Variants in SDK1 observed in about 807,000 individuals in gnomAD.
SDK1 encodes protein sidekick-1.
In SDK1, 157 loss-of-function variants were observed where a neutral mutation model predicts 245.5. The observed-to-expected ratio is 0.64, with a 90% CI of 0.56 to 0.73. SDK1 has a LOEUF of 0.73. Ranked by LOEUF, SDK1 falls within the 30% of genes least tolerant of loss-of-function variation. The pLI, the probability that SDK1 is intolerant of heterozygous loss-of-function variation, is 0.00. For missense variants in SDK1, 3,583 were observed against 3,002.3 expected, an observed-to-expected ratio of 1.19 and a Z score of -4.52; for synonymous variants, 1,647 against 1,278.5, an observed-to-expected ratio of 1.29 and a Z score of -6.15.
intron 1 of SDK1, among the ~76,000 whole-genome samples, chr7:3,378,065 C>T (rs1781397791): frequency 6.6e-6 from 1 of 152,178 alleles, no homozygotes; most frequent in African/African-American, 2.4e-5. Context: ...AGGCATGAAC[C>T]ACTGCGCCGG....
intron 22 of SDK1, among the ~76,000 whole-genome samples, chr7:4,082,741 C>G (rs940200492): frequency 2.6e-5 from 4 of 152,006 alleles, no homozygotes; most frequent in African/African-American, 7.3e-5. Context: ...TCATCTCAGC[C>G]TCCTGAGTAG....
chr7:3,825,058 A>G (rs987018734), intron 5 of SDK1, among the ~76,000 whole-genome samples: 6 of 152,102 alleles, frequency 3.9e-5, no homozygotes, highest in Non-Finnish European at 7.4e-5. Flanking sequence ...AAGCCAGCAG[A>G]TGTTAAGGAC....
chr7:3,882,148 C>T (rs539308192), intron 5 of SDK1, among the ~76,000 whole-genome samples: 102 of 152,228 alleles, frequency 6.7e-4, no homozygotes, highest in Admixed American at 1.4e-3. Context: ...GACTTATTCA[C>T]GACCACGAGA....
chr7:3,497,769 C>T (rs1241951364), intron 1 of SDK1, among the ~76,000 whole-genome samples: 1 of 152,182 alleles, frequency 6.6e-6, no homozygotes, highest in South Asian at 2.1e-4. Flanking sequence ...GATTTTGTTT[C>T]CTTTCTTTCT....
intron 1 of SDK1, among the ~76,000 whole-genome samples, chr7:3,346,825 ATATTTTTTTTTTTT>A (rs1780518183): frequency 3.6e-5 from 1 of 27,604 alleles, no homozygotes; most frequent in African/African-American, 1.7e-4. Flanking sequence ...ATATATATAT[ATATTTTTTTTTTTT>A]TTTTTTTTTT....
At chr7:4,196,544 A>G (rs1454381609) in intron 35 of SDK1, among the ~76,000 whole-genome samples, 1 of 151,760 alleles carries the variant, frequency 6.6e-6, no homozygotes, top group African/African-American at 2.4e-5. Flanking sequence ...CTTGCTCTCC[A>G]CGCCGTAACT....
At position 4,217,086 on chromosome 7, in the gene SDK1, C is replaced by T. The variant is rs1166887379; in HGVS notation, c.5540-3023C>T. Among the ~76,000 whole-genome samples the T allele has an allele frequency of 1.6e-3, 43 of 26,092 alleles. 2 individuals are homozygous for T. Among genetic ancestry groups the T allele is most frequent in the Non-Finnish European group, 2.8e-3 (37 of 13,054 alleles). The allele number at this position is 26,092 out of a possible 152,430, so 17.1% of individuals were successfully genotyped here. ...CGGAGCACCAGGCCACCCGGAGCACCACACCACCCGGAGCACCAGGCCACC... is the reference window on the plus strand; with the variant it reads ...CGGAGCACCAGGCCACCCGGAGCACTACACCACCCGGAGCACCAGGCCACC... On this transcript the variant is annotated intron_variant, in intron 38 of 44. Coordinates refer to ENST00000404826, the MANE Select transcript of SDK1 (RefSeq NM_152744.4).
chr7:3,817,327 C>T (rs1779533542), intron 4 of SDK1, among the ~76,000 whole-genome samples: 1 of 152,148 alleles, frequency 6.6e-6, no homozygotes. Context: ...TGTAAGTACA[C>T]CCAATCGAAG....
At chr7:4,235,126 TCTGTGAGAGGGG>T (rs1445154686) in intron 41 of SDK1, among the ~76,000 whole-genome samples, 2 of 152,064 alleles carry the variant, frequency 1.3e-5, no homozygotes, top group Non-Finnish European at 2.9e-5. Flanking sequence ...CCGGGGTTGC[TCTGTGAGAGGGG>T]CTGTGAGGAA....
chr7:3,480,081 T>C (rs976005597), intron 1 of SDK1, among the ~76,000 whole-genome samples: 4 of 152,316 alleles, frequency 2.6e-5, no homozygotes, highest in South Asian at 2.1e-4. Context: ...GGAATTAAGA[T>C]AGCAGAAGGA....
chr7:3,815,621 G>A (rs1320902877), intron 4 of SDK1, among the ~76,000 whole-genome samples: 1 of 149,306 alleles, frequency 6.7e-6, no homozygotes, highest in African/African-American at 2.5e-5. Flanking sequence ...GAATGATGCT[G>A]GCCTCATAAA....
intron 1 of SDK1, among the ~76,000 whole-genome samples, chr7:3,342,209 C>G (rs1780367253): frequency 6.6e-6 from 1 of 152,128 alleles, no homozygotes; most frequent in Non-Finnish European, 1.5e-5. Context: ...AATGATCAAC[C>G]TTGATCTAAA....
chr7:3,922,454 C>T (rs2128113623), intron 5 of SDK1, among the ~76,000 whole-genome samples: 1 of 152,360 alleles, frequency 6.6e-6, no homozygotes, highest in East Asian at 1.9e-4. Flanking sequence ...AGATGTTCCT[C>T]CGAATACCAC....
At chr7:4,100,447 CAGGCG>C (rs1203422399) in intron 22 of SDK1, among the ~76,000 whole-genome samples, 1 of 152,176 alleles carries the variant, frequency 6.6e-6, no homozygotes, top group Non-Finnish European at 1.5e-5. Flanking sequence ...AGGCAGGCAC[CAGGCG>C]CTGTGGACTG....
chr7:4,264,463 A>C (rs1303856481), intron 44 of SDK1, among the ~76,000 whole-genome samples: 1 of 111,156 alleles, frequency 9.0e-6, no homozygotes, highest in South Asian at 3.5e-4. Flanking sequence ...ACCTCTCCTG[A>C]GTGAGGGAGG....
At chr7:3,556,273 G>T (rs750400203) in intron 1 of SDK1, among the ~76,000 whole-genome samples, 4 of 152,040 alleles carry the variant, frequency 2.6e-5, no homozygotes, top group African/African-American at 7.2e-5. Context: ...AACAACACTC[G>T]TTTTGTTAAG....
chr7:3,853,171 G>A lies in SDK1; in HGVS notation c.847+31588G>A, dbSNP rs1169243039. On this transcript the variant is annotated intron_variant, in intron 5 of 44. Transcript: ENST00000404826. The stretch of plus-strand genomic sequence containing the variant: ...GAAAAAAAAAAATGTGCATAGAAAT[G>A]GACCCATATTGTTTAAGGGTCATCT... Among the ~76,000 whole-genome samples, 4 of 152,022 alleles carry A rather than the reference G, an allele frequency of 2.6e-5. No homozygotes were observed. The East Asian group carries it at 7.7e-4, about 29-fold the overall frequency.
intron 1 of SDK1, among the ~76,000 whole-genome samples, chr7:3,577,736 G>A (rs933207718): frequency 1.3e-5 from 2 of 152,068 alleles, no homozygotes; most frequent in African/African-American, 4.8e-5. Flanking sequence ...GGCATTTTCT[G>A]TGTTAGTAAC....
chr7:3,612,324 G>A (rs183266676), intron 1 of SDK1, among the ~76,000 whole-genome samples: 1 of 152,264 alleles, frequency 6.6e-6, no homozygotes, highest in Admixed American at 6.5e-5. Context: ...TAACTAGAGT[G>A]GCACATATCT....
Sources: gnomAD v4.1 joint callset for allele counts (sites outside exome capture counted in the v4.1 genomes callset) on GRCh38, gnomAD v4.1.1 for gene constraint, MANE v1.5 for transcripts, NCBI Gene and HGNC (gene_info 2026-07-23, HGNC 2026-07-21) for gene names.